The following PALM2AKAP2 variants were observed in gnomAD, a reference collection of about 807,000 sequenced individuals.
PALM2AKAP2 encodes PALM2-AKAP2 fusion protein.
In PALM2AKAP2, 37 loss-of-function variants were observed where a neutral mutation model predicts 71.5. The observed-to-expected ratio is 0.52, with a 90% CI of 0.40 to 0.68. The LOEUF is 0.68. PALM2AKAP2 is among the 30% of genes least tolerant of loss of function. The pLI, the probability that PALM2AKAP2 is intolerant of heterozygous loss-of-function variation, is 0.00. For missense variants in PALM2AKAP2, 1,224 were observed against 1,191.8 expected (o/e 1.03, Z -0.40); for synonymous variants, 468 against 478.8 (o/e 0.98, Z 0.29).
intron 1 of PALM2AKAP2, among the ~76,000 whole-genome samples, chr9:110,050,863 G>A (rs1432210933): frequency 1.3e-5 from 2 of 151,886 alleles, no homozygotes; most frequent in African/African-American, 4.8e-5. Flanking sequence ...CCTGACCTTA[G>A]GTGATTCACC....
intron 1 of PALM2AKAP2, among the ~76,000 whole-genome samples, chr9:109,811,547 C>G (rs1288826600): frequency 1.3e-5 from 2 of 151,894 alleles, no homozygotes; most frequent in African/African-American, 4.8e-5. Flanking sequence ...TAATTATCTG[C>G]TGTGTTGCTG....
At chr9:109,940,839 A>G (rs1831342262) in intron 6 of PALM2AKAP2, among the ~76,000 whole-genome samples, 1 of 152,226 alleles carries the variant, frequency 6.6e-6, no homozygotes, top group African/African-American at 2.4e-5. Context: ...AGGGAACTAT[A>G]TGCCATGCTG....
intron 1 of PALM2AKAP2, among the ~76,000 whole-genome samples, chr9:109,721,659 C>T (rs1828406442): frequency 6.6e-6 from 1 of 152,174 alleles, no homozygotes; most frequent in Non-Finnish European, 1.5e-5. Context: ...TCTCTAATCT[C>T]CCTGGTTCTT....
At chr9:110,119,374 AG>A (rs1484952988) in intron 1 of PALM2AKAP2, among the ~76,000 whole-genome samples, 5 of 151,652 alleles carry the variant, frequency 3.3e-5, no homozygotes, top group Non-Finnish European at 5.9e-5. Context: ...AAGAAAAAGA[AG>A]ATAACAGTTC....
intron 1 of PALM2AKAP2, among the ~76,000 whole-genome samples, chr9:110,059,652 G>A (rs1833919783): frequency 6.6e-6 from 1 of 152,218 alleles, no homozygotes; most frequent in South Asian, 2.1e-4. Flanking sequence ...GAACATTCAA[G>A]CCTGGCCTTT....
intron 1 of PALM2AKAP2, among the ~76,000 whole-genome samples, chr9:109,740,058 G>T (rs1260266760): frequency 6.6e-6 from 1 of 152,240 alleles, no homozygotes; most frequent in African/African-American, 2.4e-5. Context: ...AAGTGTTTTG[G>T]CCAGCAATTT....
chr9:109,644,598 C>T (rs184543162), intron 1 of PALM2AKAP2, among the ~76,000 whole-genome samples: 148 of 152,218 alleles, frequency 9.7e-4, no homozygotes, highest in African/African-American at 3.5e-3. Flanking sequence ...TCTTTTCTAT[C>T]ACATTGTCAG....
chr9:109,953,638 C>A (rs1831685189), intron 6 of PALM2AKAP2, among the ~76,000 whole-genome samples: 2 of 151,844 alleles, frequency 1.3e-5, no homozygotes, highest in Admixed American at 6.6e-5. Context: ...AAGATAGAGA[C>A]CATCCTGGCC....
At position 110,036,834 on chromosome 9, in the gene PALM2AKAP2, C is replaced by T. The variant is rs574647189; in HGVS notation, c.582+20795C>T. Among the ~76,000 whole-genome samples, 7 of 152,158 alleles carry T rather than the reference C, an allele frequency of 4.6e-5. No individual in the cohort carries two copies. In the East Asian group the frequency reaches 1.2e-3, roughly 25 times the overall value. On this transcript the variant is annotated intron_variant, in intron 7 of 9. Transcript: ENST00000302798. ...CCCCACACCTGCTGTTCCCTATGCT[C>T]GAATGCTTTTCCCCTTGATGTCTCC...
chr9:109,694,798 C>T (rs377628406), intron 1 of PALM2AKAP2, among the ~76,000 whole-genome samples: 2 of 152,040 alleles, frequency 1.3e-5, no homozygotes, highest in East Asian at 1.9e-4. Flanking sequence ...GTAATTCAAA[C>T]TCTGTAGTAC....
At chr9:109,846,041 G>A (rs998673477) in intron 1 of PALM2AKAP2, among the ~76,000 whole-genome samples, 2 of 152,160 alleles carry the variant, frequency 1.3e-5, no homozygotes, top group Non-Finnish European at 2.9e-5. Flanking sequence ...GTGATACAGA[G>A]GGCCATGTGG....
chr9:110,051,913 T>A (rs1275622357), intron 1 of PALM2AKAP2, among the ~76,000 whole-genome samples: 3 of 152,106 alleles, frequency 2.0e-5, no homozygotes, highest in Admixed American at 2.0e-4. Context: ...ACCCTTTTTT[T>A]TTTTTTTGAA....
At chr9:109,779,150 T>C (rs1013831028), upstream of PALM2AKAP2, among the ~76,000 whole-genome samples, 2 of 152,212 alleles carry the variant, frequency 1.3e-5, no homozygotes, top group African/African-American at 4.8e-5. Context: ...TTTATTTCAT[T>C]TGATGAAGAA....
chr9:109,667,567 A>G (rs1564106770), intron 1 of PALM2AKAP2, among the ~76,000 whole-genome samples: 1 of 152,208 alleles, frequency 6.6e-6, no homozygotes, highest in Non-Finnish European at 1.5e-5. Flanking sequence ...AGGCAGGTGT[A>G]TCACTTGAGG....
chr9:109,971,569 A>G lies in PALM2AKAP2; in HGVS notation c.496+39541A>G, dbSNP rs370201637. The stretch of plus-strand genomic sequence containing the variant: ...GCCTCCCAAGTAGCTGAGATTACAG[A>G]CGTTCGCCACCAAGCCTGGCTAATT... On this transcript the variant is annotated intron_variant, in intron 6 of 9. Coordinates refer to the PALM2AKAP2 transcript ENST00000302798. 1.9e-4 allele frequency among the ~76,000 whole-genome samples: 29 copies of G among 151,992 alleles called. No individual in the cohort carries two copies. The East Asian group carries it at 2.5e-3, about 13-fold the overall frequency.
At chr9:109,821,813 G>A (rs1330826352) in intron 1 of PALM2AKAP2, among the ~76,000 whole-genome samples, 2 of 152,162 alleles carry the variant, frequency 1.3e-5, no homozygotes, top group African/African-American at 2.4e-5. Flanking sequence ...CTCATGGGGA[G>A]CCCATTCTCT....
chr9:110,047,037 T>C (rs1336251659), upstream of PALM2AKAP2, among the ~76,000 whole-genome samples: 1 of 152,012 alleles, frequency 6.6e-6, no homozygotes, highest in Non-Finnish European at 1.5e-5. Context: ...CATCCAAGCA[T>C]TTAATTCCTT....
At chr9:109,778,935 A>AT (rs1217738755), upstream of PALM2AKAP2, among the ~76,000 whole-genome samples, 7 of 151,582 alleles carry the variant, frequency 4.6e-5, no homozygotes, top group South Asian at 2.1e-4. Flanking sequence ...CGCCCGGCTA[A>AT]TTTTTTGTAT....
chr9:109,682,758 C>T (rs1372209127), intron 1 of PALM2AKAP2, among the ~76,000 whole-genome samples: 2 of 152,180 alleles, frequency 1.3e-5, no homozygotes, highest in African/African-American at 4.8e-5. Context: ...GAGATAACGT[C>T]GTTGGCGAAG....
Sources: allele counts gnomAD v4.1 joint callset (sites outside exome capture counted in the v4.1 genomes callset), GRCh38; gene constraint gnomAD v4.1.1; transcripts MANE v1.5; gene names NCBI Gene and HGNC (gene_info 2026-07-23, HGNC 2026-07-21).